ZFAND6: variants seen among roughly 807,000 people sequenced by gnomAD.
ZFAND6 encodes zinc finger AN1-type containing 6, also known as AN1-type zinc finger protein 6.
A neutral mutation model predicts 24.5 loss-of-function variants in ZFAND6; 12 were observed. The observed-to-expected ratio is 0.49, with a 90% CI of 0.31 to 0.79. The LOEUF (loss-of-function observed/expected upper bound fraction) is 0.79, where lower values mean the gene tolerates loss of function less well. Ranked by LOEUF, ZFAND6 falls within the 30% of genes least tolerant of loss-of-function variation. The pLI is 0.04. For missense variants in ZFAND6, 207 were observed against 245.9 expected, an observed-to-expected ratio of 0.84 and a Z score of 1.06; for synonymous variants, 92 against 81.5, an observed-to-expected ratio of 1.13 and a Z score of -0.69.
chr15:80,107,188 C>T (rs1221731817), intron 2 of ZFAND6, among the ~76,000 whole-genome samples: 2 of 152,046 alleles, frequency 1.3e-5, no homozygotes, highest in Non-Finnish European at 2.9e-5. Context: ...GCGCTCCAGC[C>T]TGTGCAACAA....
At position 80,086,100 on chromosome 15, in the gene ZFAND6, G is replaced by A. The variant is rs572622759; in HGVS notation, c.-180-12316G>A. ...GTTGCCCAGGCTGGAGTGCAATGGC[G>A]CGATCTCAGCCCACTGCAACCTCCG... On this transcript the variant is annotated intron_variant, in intron 1 of 6. Transcript: ENST00000261749. 6.2e-4 allele frequency among the ~76,000 whole-genome samples: 95 copies of A among 152,200 alleles called. 1 individual carries two copies. The highest frequency in any genetic ancestry group is 1.2e-3 in the Non-Finnish European group (85 of 68,016).
At chr15:80,075,056 T>TA (rs2037190472) in intron 1 of ZFAND6, 1 of 156,748 alleles carries the variant, frequency 6.4e-6, no homozygotes, top group South Asian at 1.7e-4. Flanking sequence ...ACTGATAATT[T>TA]AGTATCTCTG....
chr15:80,071,414 C>T (rs1442555741), intron 1 of ZFAND6, among the ~76,000 whole-genome samples: 1 of 152,126 alleles, frequency 6.6e-6, no homozygotes, highest in African/African-American at 2.4e-5. Context: ...ACTATACTTA[C>T]ACCGTAAATT....
chr15:80,101,616 G>A (rs1238727661), intron 2 of ZFAND6, among the ~76,000 whole-genome samples: 1 of 152,072 alleles, frequency 6.6e-6, no homozygotes, highest in African/African-American at 2.4e-5. Flanking sequence ...ACTAGGTAAT[G>A]TATTTGCATT....
intron 2 of ZFAND6, among the ~76,000 whole-genome samples, chr15:80,119,800 T>G (rs989232945): frequency 4.6e-5 from 7 of 152,200 alleles, no homozygotes; most frequent in African/African-American, 1.4e-4. Context: ...CCAAAAAGAT[T>G]GAACCAATTT....
chr15:80,082,613 A>G (rs1445073217), intron 1 of ZFAND6, among the ~76,000 whole-genome samples: 1 of 152,230 alleles, frequency 6.6e-6, no homozygotes, highest in Non-Finnish European at 1.5e-5. Flanking sequence ...TGGGTTTGGT[A>G]TCTCAATATC....
intron 1 of ZFAND6, among the ~76,000 whole-genome samples, chr15:80,078,846 C>T (rs2037448973): frequency 6.7e-6 from 1 of 150,058 alleles, no homozygotes; most frequent in African/African-American, 2.5e-5. Context: ...TATTTGTTGG[C>T]TGTATTTATG....
At chr15:80,100,057 T>C (rs2038955196) in intron 2 of ZFAND6, among the ~76,000 whole-genome samples, 1 of 152,242 alleles carries the variant, frequency 6.6e-6, no homozygotes, top group African/African-American at 2.4e-5. Context: ...GGTCAGTAGA[T>C]ACATAACACT....
intron 2 of ZFAND6, chr15:80,111,597 T>C: frequency 2.2e-6 from 1 of 451,600 alleles, no homozygotes; most frequent in Non-Finnish European, 4.4e-6. Flanking sequence ...TATAGCAATA[T>C]AGGATAAGTA....
At position 80,137,631 on chromosome 15, in the gene ZFAND6, T is replaced by A; in HGVS notation, c.*3T>A. 6.4e-7 allele frequency: 1 copy of A among 1,568,534 alleles called. No individual in the cohort carries two copies. Among genetic ancestry groups the A allele is most frequent in the Non-Finnish European group, 8.6e-7 (1 of 1,164,926 alleles). ...GTGAAAAGATCCAAAAGATTTGAACTCCTGCTGGAATACAAAATTCTTGAG... is the reference window on the plus strand; with the variant it reads ...GTGAAAAGATCCAAAAGATTTGAACACCTGCTGGAATACAAAATTCTTGAG... On this transcript the variant is annotated 3_prime_UTR_variant, in exon 7 of 7. Coordinates refer to ENST00000261749, the MANE Select transcript of ZFAND6 (RefSeq NM_019006.4).
chr15:80,103,696 A>C (rs958382333), intron 2 of ZFAND6, among the ~76,000 whole-genome samples: 4 of 152,220 alleles, frequency 2.6e-5, no homozygotes, highest in African/African-American at 9.7e-5. Flanking sequence ...TTTGAAGCAG[A>C]AATTTGTAAC....
At chr15:80,095,478 G>T (rs1007227878) in intron 1 of ZFAND6, among the ~76,000 whole-genome samples, 3 of 152,134 alleles carry the variant, frequency 2.0e-5, no homozygotes, top group African/African-American at 7.2e-5. Context: ...GACACTATTA[G>T]ACTCAATATA....
At chr15:80,098,382 G>A (rs1405003172) in intron 1 of ZFAND6, 34 bp from the exon 2 acceptor site, 1 of 152,166 alleles carries the variant, frequency 6.6e-6, no homozygotes, top group Non-Finnish European at 1.5e-5. Flanking sequence ...AATTTTATAT[G>A]TCTCAACTCT....
intron 2 of ZFAND6, among the ~76,000 whole-genome samples, chr15:80,107,362 T>C (rs1484090029): frequency 6.6e-6 from 1 of 152,202 alleles, no homozygotes; most frequent in African/African-American, 2.4e-5. Context: ...CATCACCATA[T>C]TATGTGACAT....
intron 2 of ZFAND6, among the ~76,000 whole-genome samples, chr15:80,106,701 T>G (rs1375785106): frequency 1.3e-5 from 2 of 152,160 alleles, no homozygotes; most frequent in Admixed American, 6.5e-5. Flanking sequence ...GTAAGTTGTT[T>G]TCCTCTGAAT....
intron 2 of ZFAND6, among the ~76,000 whole-genome samples, chr15:80,107,355 C>T (rs1596278765): frequency 6.6e-6 from 1 of 152,060 alleles, no homozygotes; most frequent in East Asian, 1.9e-4. Flanking sequence ...ATAATGACAT[C>T]ACCATATTAT....
chr15:80,136,992 G>C (rs1396665910), intron 6 of ZFAND6, among the ~76,000 whole-genome samples: 1 of 152,162 alleles, frequency 6.6e-6, no homozygotes, highest in African/African-American at 2.4e-5. Context: ...TCTAGATCCC[G>C]TGCTCTTCAC....
chr15:80,066,487 A>G (rs2036645340), intron 1 of ZFAND6, among the ~76,000 whole-genome samples: 1 of 151,798 alleles, frequency 6.6e-6, no homozygotes, highest in Admixed American at 6.6e-5. Flanking sequence ...TAATTTTTGT[A>G]TTTTTAGTAG....
At chr15:80,116,661 C>T (rs1194481735) in intron 2 of ZFAND6, among the ~76,000 whole-genome samples, 2 of 152,078 alleles carry the variant, frequency 1.3e-5, no homozygotes, top group South Asian at 2.1e-4. Context: ...TAAAACTTGA[C>T]GATAGTTTCT....
Sources: allele counts gnomAD v4.1 joint callset (sites outside exome capture counted in the v4.1 genomes callset), GRCh38; gene constraint gnomAD v4.1.1; transcripts MANE v1.5; gene names NCBI Gene and HGNC (gene_info 2026-07-23, HGNC 2026-07-21).